ZZEF1: variants seen among roughly 807,000 people sequenced by gnomAD.
ZZEF1 encodes zinc finger ZZ-type and EF-hand domain containing 1.
A neutral mutation model predicts 342.8 loss-of-function variants in ZZEF1; 157 were observed. That is an observed-to-expected ratio of 0.46 (90% CI 0.40 to 0.52). The LOEUF is 0.52. Ranked by LOEUF, ZZEF1 falls within the 20% of genes least tolerant of loss-of-function variation. The pLI is 0.00. For synonymous variants in ZZEF1, 1,505 were observed against 1,429.1 expected (o/e 1.05, Z -1.20); for missense variants, 3,480 against 3,725.6 (o/e 0.93, Z 1.72).
intron 11 of ZZEF1, 51 bp downstream of exon 11, chr17:4,095,780 A>G: frequency 6.5e-7 from 1 of 1,543,284 alleles, no homozygotes; most frequent in Non-Finnish European, 8.7e-7. Context: ...TTAACTACAA[A>G]GATTTTTGTT....
At chr17:4,063,064 T>C (rs1274071391) in intron 29 of ZZEF1, 147 bp from the exon 30 acceptor site, 2 of 733,852 alleles carry the variant, frequency 2.7e-6, no homozygotes, top group Non-Finnish European at 4.1e-6. Flanking sequence ...GAAGTACCAA[T>C]ACCTCTTTAC....
intron 13 of ZZEF1, 138 bp from the exon 14 acceptor site, chr17:4,087,672 T>A (rs1567829803): frequency 1.4e-6 from 1 of 738,904 alleles, no homozygotes; most frequent in Admixed American, 3.3e-5. Context: ...TGATGCTTAC[T>A]CTTAACTACA....
In ZZEF1 at chr17:4,005,526, C is replaced by A. The variant is rs950976232; in HGVS notation, c.*1364G>T. 6.6e-6 allele frequency: 1 copy of A among 152,406 alleles called. No homozygotes were observed. Among genetic ancestry groups the A allele is most frequent in the Non-Finnish European group, 1.5e-5 (1 of 68,164 alleles). The allele number at this position is 152,406 out of a possible 1,614,324, so 9.4% of individuals were successfully genotyped here. A position where few individuals can be genotyped will look rare whatever the true frequency, so the allele number is the denominator to read the frequency against. ...TGTAGGGCTGTGAAGCCCGCTGCAC[C>A]TTGGAGTCCTGACCCAGAAGGCGAA... On this transcript the variant is annotated 3_prime_UTR_variant, in exon 55 of 55. Transcript: ENST00000381638.
At chr17:4,116,442 A>G (rs907776046) in intron 3 of ZZEF1, among the ~76,000 whole-genome samples, 1 of 152,228 alleles carries the variant, frequency 6.6e-6, no homozygotes, top group Non-Finnish European at 1.5e-5. Context: ...TCTCACATGT[A>G]TATCGGCGTC....
chr17:4,045,022 C>T (rs537356961), intron 37 of ZZEF1, among the ~76,000 whole-genome samples: 5 of 151,988 alleles, frequency 3.3e-5, no homozygotes, highest in African/African-American at 4.8e-5. Flanking sequence ...GGCGTGGTGG[C>T]GTGAGCCTGT....
In ZZEF1 at chr17:4,024,185, G is replaced by GTTTTT. The variant is rs1491483468; in HGVS notation, c.7092+733_7092+734insAAAAA. Among the ~76,000 whole-genome samples, 264 of 83,946 alleles carry GTTTTT rather than the reference G, an allele frequency of 3.1e-3. 9 individuals carry two copies. The highest frequency in any genetic ancestry group is 0.017 in the African/African-American group (244 of 14,056). 55.1% of individuals were successfully genotyped at this position (83,946 alleles called of 152,430 possible). ...TCATCTCCATGCCAAATATTGCCCAGGTTTTTTTTTTTTTTTTTTTTTTTT... is the reference window on the plus strand; with the variant it reads ...TCATCTCCATGCCAAATATTGCCCAGTTTTTGTTTTTTTTTTTTTTTTTTTTTTTT... On this transcript the variant is annotated intron_variant, in intron 43 of 54. Transcript: ENST00000381638.
chr17:4,081,510 T>A lies in ZZEF1; in HGVS notation c.2715-20A>T. The A allele has an allele frequency of 6.3e-7, 1 of 1,579,238 alleles. No homozygotes were observed. ...TTGTCACTGAAAGGATACAAATTAG[T>A]CATGACACCTGGCTTCAGGAGAAAG... On this transcript the variant is annotated intron_variant, in intron 17 of 54. Coordinates refer to ENST00000381638, the MANE Select transcript of ZZEF1 (RefSeq NM_015113.4).
In ZZEF1 at chr17:4,075,256, G is replaced by T. The variant is rs760099062; in HGVS notation, c.3401+7C>A. Reference sequence around the variant, plus strand: ...CGCTTGGGGGTGAAAGAATATAGAAGTCTTACCTTTTTTCAGTTTCACACC... The same window carrying T: ...CGCTTGGGGGTGAAAGAATATAGAATTCTTACCTTTTTTCAGTTTCACACC... On this transcript the variant is annotated splice_region_variant and intron_variant, in intron 22 of 54. Coordinates refer to ENST00000381638, the MANE Select transcript of ZZEF1 (RefSeq NM_015113.4). 17 of 1,614,036 alleles carry T rather than the reference G, an allele frequency of 1.1e-5. No individual in the cohort carries two copies. In the East Asian group the frequency reaches 3.8e-4, roughly 36 times the overall value.
intron 2 of ZZEF1, among the ~76,000 whole-genome samples, chr17:4,117,520 C>T (rs1050367657): frequency 5.9e-5 from 9 of 151,804 alleles, no homozygotes; most frequent in African/African-American, 1.9e-4. Flanking sequence ...TGGTGGCAGG[C>T]GCCTGTAATC....
chr17:4,099,543 A>AT (rs35639314), intron 9 of ZZEF1, among the ~76,000 whole-genome samples: 24,268 of 131,864 alleles, frequency 0.18, 2,369 homozygotes, highest in African/African-American at 0.23. Flanking sequence ...TTTGACTGTG[A>AT]TTTTTTTTTT....
Position 4,090,820 on chromosome 17 carries a change from A to G in ZZEF1, c.1924T>C (p.Ser642Pro). The stretch of plus-strand genomic sequence containing the variant: ...TCATCCTCTCCAAGGTCATCAGATG[A>G]GCAACCAATCCTGTAAAGACAAGAG... ...RQFVKSRIGC[S>P]SDDLGEDDPI... Residue 642 changes from serine (S) to proline (P), a missense_variant, in exon 12 of 55, where the codon TCA (serine) becomes CCA (proline). Coordinates refer to ENST00000381638, the MANE Select transcript of ZZEF1 (RefSeq NM_015113.4). 6.2e-7 allele frequency: 1 copy of G among 1,613,748 alleles called. No homozygotes were observed. The highest frequency in any genetic ancestry group is 8.5e-7 in the Non-Finnish European group (1 of 1,179,714).
intron 6 of ZZEF1, among the ~76,000 whole-genome samples, chr17:4,106,922 A>C (rs1386664045): frequency 6.6e-6 from 1 of 152,238 alleles, no homozygotes; most frequent in Non-Finnish European, 1.5e-5. Flanking sequence ...AATAGAGACA[A>C]TAAAGCAAAG....
rs2058039326 is a variant in ZZEF1, at chr17:4,096,676, G to C, written c.1697C>G (p.Thr566Ser). The change falls in exon 10 of 55, where the codon ACC becomes AGC. Residue 566 changes from threonine (T) to serine (S), a missense_variant. This residue lies in a region of ZZEF1 where 1,528 missense variants were observed against 1,624.1 expected (regional missense o/e 0.94). Transcript: ENST00000381638. The part of the protein sequence containing the change: ...RDGFLTETGK[T>S]RASTIFSTGT... The stretch of plus-strand genomic sequence containing the variant: ...GGTAGAAAAAATAGTGCTGGCTCTG[G>C]TTTTTCCAGTTTCCGTAAGAAAACC... 6.2e-7 allele frequency: 1 copy of C among 1,613,882 alleles called. No homozygotes were observed. The highest frequency in any genetic ancestry group is 8.5e-7 in the Non-Finnish European group (1 of 1,179,978).
chr17:4,022,760 C>G lies in ZZEF1; in HGVS notation c.7161G>C (p.Lys2387Asn). The change falls in exon 44 of 55, where the codon AAG becomes AAC. Residue 2387 changes from lysine to asparagine, a missense_variant. By Grantham distance (94) the Lys-to-Asn change is moderately conservative. Around this residue, in one of 5 missense-constraint regions of ZZEF1, gnomAD observed 1,269 missense variants for 1,342.4 expected, o/e 0.95. Coordinates refer to ENST00000381638, the MANE Select transcript of ZZEF1 (RefSeq NM_015113.4). Reference protein sequence around the residue: ...QTDLLKLLVKKCSKGTGFSKT... With the variant: ...QTDLLKLLVKNCSKGTGFSKT... ...TACTAAAGCCAGTCCCTTTGCTGCA[C>G]TTTTTCACCAGCAACTTCAGCAAAT... 6.2e-7 allele frequency: 1 copy of G among 1,613,882 alleles called. No individual in the cohort carries two copies. Among genetic ancestry groups the G allele is most frequent in the African/African-American group, 1.3e-5 (1 of 74,952 alleles).
intron 37 of ZZEF1, among the ~76,000 whole-genome samples, chr17:4,047,680 C>G (rs567914991): frequency 6.8e-6 from 1 of 146,756 alleles, no homozygotes; most frequent in Non-Finnish European, 1.5e-5. Context: ...CAGTGGCTCA[C>G]GCCTGTAATC....
chr17:4,035,198 T>C (rs1448492762), intron 39 of ZZEF1, among the ~76,000 whole-genome samples: 2 of 152,198 alleles, frequency 1.3e-5, no homozygotes, highest in Non-Finnish European at 1.5e-5. Context: ...TCTATACTTA[T>C]ACCATTTGTT....
intron 26 of ZZEF1, among the ~76,000 whole-genome samples, 187 bp downstream of exon 26, chr17:4,070,497 T>C (rs982969328): frequency 1.3e-5 from 2 of 152,202 alleles, no homozygotes; most frequent in Non-Finnish European, 2.9e-5. Flanking sequence ...GTGCCACACA[T>C]TATAATCTGC....
chr17:4,118,319 C>A (rs1597918640), intron 2 of ZZEF1, among the ~76,000 whole-genome samples: 1 of 152,180 alleles, frequency 6.6e-6, no homozygotes, highest in Non-Finnish European at 1.5e-5. Flanking sequence ...AAATTGCTGA[C>A]CCATAGTCCA....
intron 24 of ZZEF1, among the ~76,000 whole-genome samples, chr17:4,073,860 T>C (rs995344701): frequency 6.6e-6 from 1 of 152,128 alleles, no homozygotes; most frequent in African/African-American, 2.4e-5. Flanking sequence ...TTGGTTGGAC[T>C]ATACCTACAC....
Sources: gnomAD v4.1 joint callset for allele counts (sites outside exome capture counted in the v4.1 genomes callset) on GRCh38, gnomAD v4.1.1 for gene constraint, gnomAD v4.1.1 regional missense constraint, MANE v1.5 for transcripts, NCBI Gene and HGNC (gene_info 2026-07-23, HGNC 2026-07-21) for gene names.